Variants in HOMER1 observed in about 807,000 individuals in gnomAD.
The protein encoded by HOMER1 is homer protein homolog 1.
Under a neutral mutation model 48.9 loss-of-function variants are expected in HOMER1, and 3 were observed. The observed-to-expected ratio is 0.06, with a 90% CI of 0.03 to 0.16. HOMER1 has a LOEUF of 0.16. Ranked by LOEUF, HOMER1 falls within the 10% of genes least tolerant of loss-of-function variation. The probability of loss-of-function intolerance (pLI) is 1.00; values close to 1 mark genes in which losing one functional copy is unlikely to be tolerated. For synonymous variants in HOMER1, 134 were observed against 146.4 expected (o/e 0.92, Z 0.61); for missense variants, 247 against 411.4 (o/e 0.60, Z 3.46).
chr5:79,447,841 G>A (rs1750925567), intron 3 of HOMER1, among the ~76,000 whole-genome samples: 1 of 152,076 alleles, frequency 6.6e-6, no homozygotes, highest in African/African-American at 2.4e-5. Context: ...TTTATGTTTT[G>A]GAAGTGGAAG....
At chr5:79,377,359 T>C (rs539059493) in intron 8 of HOMER1, among the ~76,000 whole-genome samples, 102 of 152,344 alleles carry the variant, frequency 6.7e-4, no homozygotes, top group African/African-American at 2.2e-3. Flanking sequence ...ATGATTTCAT[T>C]TTGGTTAAAA....
At chr5:79,399,863 G>T (rs1415187408) in intron 6 of HOMER1, among the ~76,000 whole-genome samples, 1 of 152,142 alleles carries the variant, frequency 6.6e-6, no homozygotes, top group African/African-American at 2.4e-5. Context: ...GCTCAAGGAG[G>T]TTATTCAGGC....
At chr5:79,499,388 T>C (rs1752512599) in intron 1 of HOMER1, among the ~76,000 whole-genome samples, 1 of 152,222 alleles carries the variant, frequency 6.6e-6, no homozygotes, top group South Asian at 2.1e-4. Context: ...AGAAGTACTT[T>C]AATGTATTCA....
chr5:79,416,784 A>G (rs1208845431), intron 5 of HOMER1, among the ~76,000 whole-genome samples: 1 of 152,236 alleles, frequency 6.6e-6, no homozygotes, highest in Non-Finnish European at 1.5e-5. Flanking sequence ...GTTTCTACCC[A>G]TGATACTCTA....
chr5:79,471,539 C>G (rs1035800324), intron 1 of HOMER1, among the ~76,000 whole-genome samples: 10 of 97,810 alleles, frequency 1.0e-4, no homozygotes, highest in African/African-American at 4.0e-4. Context: ...AAGAGCAAAA[C>G]TCCATCTCAA....
chr5:79,481,023 G>T (rs1288330463), intron 1 of HOMER1, among the ~76,000 whole-genome samples: 1 of 152,188 alleles, frequency 6.6e-6, no homozygotes, highest in African/African-American at 2.4e-5. Context: ...AATAGTCTAT[G>T]TAAGTGATTA....
chr5:79,495,499 T>C (rs1752396060), intron 1 of HOMER1, among the ~76,000 whole-genome samples: 2 of 152,222 alleles, frequency 1.3e-5, no homozygotes, highest in Admixed American at 6.5e-5. Flanking sequence ...AGCACTTAAA[T>C]CACAGTATTG....
intron 8 of HOMER1, among the ~76,000 whole-genome samples, chr5:79,378,575 C>T (rs1748839661): frequency 1.3e-5 from 2 of 152,144 alleles, no homozygotes; most frequent in African/African-American, 4.8e-5. Flanking sequence ...AGGGAGGACA[C>T]AGATCCTGAG....
chr5:79,465,919 G>C (rs1751453023), intron 1 of HOMER1, among the ~76,000 whole-genome samples: 1 of 152,068 alleles, frequency 6.6e-6, no homozygotes, highest in African/African-American at 2.4e-5. Context: ...TACTTTAAGA[G>C]TAGTTTTTAT....
intron 1 of HOMER1, among the ~76,000 whole-genome samples, chr5:79,470,071 C>G (rs1263397877): frequency 2.6e-5 from 4 of 152,016 alleles, no homozygotes; most frequent in East Asian, 3.9e-4. Flanking sequence ...AAGTGGGAGG[C>G]CTTTTCCCTA....
chr5:79,497,579 C>A (rs1040147980), intron 1 of HOMER1, among the ~76,000 whole-genome samples: 5 of 147,616 alleles, frequency 3.4e-5, no homozygotes, highest in Non-Finnish European at 7.4e-5. Context: ...GCAGGAGAAT[C>A]ATTTGAACCC....
At chr5:79,379,094 A>ATAT (rs1561340209) in intron 8 of HOMER1, among the ~76,000 whole-genome samples, 1 of 56,316 alleles carries the variant, frequency 1.8e-5, no homozygotes, top group African/African-American at 1.4e-4. Context: ...ATATATATAT[A>ATAT]TATATATATA....
intron 1 of HOMER1, among the ~76,000 whole-genome samples, chr5:79,505,842 T>C (rs1263963682): frequency 6.6e-6 from 1 of 152,106 alleles, no homozygotes; most frequent in African/African-American, 2.4e-5. Context: ...TCTACCTTAA[T>C]AGAAAAAAAC....
At chr5:79,503,550 A>C (rs1302121387) in intron 1 of HOMER1, among the ~76,000 whole-genome samples, 7 of 150,412 alleles carry the variant, frequency 4.7e-5, no homozygotes, top group African/African-American at 2.4e-5. Context: ...AAAAAAAAAA[A>C]AAAACAGAGG....
intron 8 of HOMER1, among the ~76,000 whole-genome samples, chr5:79,378,763 G>C (rs1748844118): frequency 6.6e-6 from 1 of 151,878 alleles, no homozygotes; most frequent in Non-Finnish European, 1.5e-5. Context: ...AAAAATGAAA[G>C]GTTCCCTTGT....
intron 5 of HOMER1, among the ~76,000 whole-genome samples, chr5:79,428,349 A>G (rs1750327106): frequency 6.6e-6 from 1 of 152,194 alleles, no homozygotes; most frequent in Admixed American, 6.5e-5. Context: ...ATTTAATGGT[A>G]AACGACTCAA....
intron 5 of HOMER1, among the ~76,000 whole-genome samples, chr5:79,434,347 TA>T (rs147905669): frequency 0.038 from 5,592 of 148,884 alleles, 341 homozygotes; most frequent in African/African-American, 0.13. Flanking sequence ...TATTATTTAT[TA>T]AAAAAAAAAG....
At chr5:79,462,623 C>A (rs181937743) in intron 1 of HOMER1, among the ~76,000 whole-genome samples, 1 of 151,952 alleles carries the variant, frequency 6.6e-6, no homozygotes. Context: ...AAGAAAGAAA[C>A]GAGGATCATA....
At chr5:79,442,833 AG>A (rs1441204349) in intron 4 of HOMER1, among the ~76,000 whole-genome samples, 1 of 152,238 alleles carries the variant, frequency 6.6e-6, no homozygotes, top group Non-Finnish European at 1.5e-5. Context: ...CGATACATAA[AG>A]GAAGATGAGG....
Sources: gnomAD v4.1 joint callset for allele counts (sites outside exome capture counted in the v4.1 genomes callset) on GRCh38, gnomAD v4.1.1 for gene constraint, MANE v1.5 for transcripts, NCBI Gene and HGNC (gene_info 2026-07-23, HGNC 2026-07-21) for gene names.